The following DNER variants were observed in gnomAD, a reference collection of about 807,000 sequenced individuals.
DNER encodes delta and Notch-like epidermal growth factor-related receptor.
In DNER, 33 loss-of-function variants were observed where a neutral mutation model predicts 78.2. The ratio of observed to expected loss-of-function variants is 0.42; its 90% CI spans 0.32 to 0.56. The LOEUF (loss-of-function observed/expected upper bound fraction) is 0.56, where lower values mean the gene tolerates loss of function less well. DNER is among the 20% of genes least tolerant of loss of function. The pLI is 0.11. For synonymous variants in DNER, 417 were observed against 384.8 expected (o/e 1.08, Z -0.98); for missense variants, 918 against 975.3 (o/e 0.94, Z 0.78).
At position 229,638,994 on chromosome 2, in the gene DNER, C is replaced by T. The variant is rs200755239; in HGVS notation, c.277-47106G>A. ...TCTATGACCACCTGGACTCACCTGA[C>T]GCAGAGCCCCTGGGGAATTCCTATA... is the stretch of plus-strand genomic sequence containing the variant. On this transcript the variant is annotated intron_variant, in intron 1 of 12. Transcript: ENST00000341772. 2.0e-4 allele frequency among the ~76,000 whole-genome samples: 30 copies of T among 152,276 alleles called. No homozygotes were observed. The East Asian group carries it at 3.9e-3, about 20-fold the overall frequency.
chr2:229,690,220 T>C (rs938920860), intron 1 of DNER, among the ~76,000 whole-genome samples: 2 of 152,160 alleles, frequency 1.3e-5, no homozygotes, highest in African/African-American at 4.8e-5. Flanking sequence ...GATTTGCATT[T>C]TAAAGCTCAC....
chr2:229,387,556 A>G (rs941693415), intron 11 of DNER, among the ~76,000 whole-genome samples: 1 of 148,254 alleles, frequency 6.7e-6, no homozygotes, highest in Non-Finnish European at 1.5e-5. Flanking sequence ...AGAAAGAAAG[A>G]AAGAAAGAAA....
chr2:229,440,935 C>A (rs569043033), intron 8 of DNER, among the ~76,000 whole-genome samples: 2 of 152,206 alleles, frequency 1.3e-5, no homozygotes, highest in Non-Finnish European at 2.9e-5. Flanking sequence ...ATCTTTTCAT[C>A]TCTTTTTGAC....
rs572267738 is a variant in DNER at position 229,702,870 on chromosome 2, C to T, written c.276+11278G>A. Reference sequence around the variant, plus strand: ...AGGTAGAGCTTGCAGTGAGCTGAGACCGTGCCACTGCACTCCAGCCTGGGG... The same window carrying T: ...AGGTAGAGCTTGCAGTGAGCTGAGATCGTGCCACTGCACTCCAGCCTGGGG... On this transcript the variant is annotated intron_variant, in intron 1 of 12. Coordinates refer to ENST00000341772, the MANE Select transcript of DNER (RefSeq NM_139072.4). Among the ~76,000 whole-genome samples the T allele has an allele frequency of 6.0e-5, 9 of 149,258 alleles. No individual in the cohort carries two copies. In the South Asian group the frequency reaches 1.1e-3, roughly 18 times the overall value.
intron 6 of DNER, among the ~76,000 whole-genome samples, chr2:229,510,070 T>C (rs1695833373): frequency 6.6e-6 from 1 of 152,014 alleles, no homozygotes; most frequent in South Asian, 2.1e-4. Context: ...GGAAGTATTG[T>C]CCAAGCACAA....
intron 1 of DNER, among the ~76,000 whole-genome samples, chr2:229,612,705 C>T (rs1262766086): frequency 6.6e-6 from 1 of 152,218 alleles, no homozygotes; most frequent in Non-Finnish European, 1.5e-5. Context: ...TTCGCTTTGA[C>T]CAATAGTAGG....
intron 3 of DNER, among the ~76,000 whole-genome samples, chr2:229,587,672 G>T (rs554042251): frequency 1.3e-5 from 2 of 152,306 alleles, no homozygotes; most frequent in East Asian, 3.9e-4. Flanking sequence ...TGTGGGGAGG[G>T]TGGTAGTCAA....
At chr2:229,532,214 C>T (rs905580490) in intron 5 of DNER, among the ~76,000 whole-genome samples, 4 of 152,104 alleles carry the variant, frequency 2.6e-5, no homozygotes, top group Non-Finnish European at 5.9e-5. Flanking sequence ...TGCCTGACAT[C>T]ACTCGCTCAG....
Position 229,358,626 on chromosome 2 carries a change from T to A in DNER, c.2128A>T (p.Met710Leu), listed in dbSNP as rs752186010. ...TAGGCGATGGGGCTCACATCATACATTGCAGGCCGGGATTTCTTTCCAAAC... is the reference window on the plus strand; with the variant it reads ...TAGGCGATGGGGCTCACATCATACAATGCAGGCCGGGATTTCTTTCCAAAC... ...ARFGKKSRPA[M>L]YDVSPIAYED... The change falls in exon 13 of 13, where the codon ATG becomes TTG. Residue 710 changes from methionine to leucine, a missense_variant. Physicochemically the swap from Met to Leu is conservative, Grantham distance 15. Coordinates refer to ENST00000341772, the MANE Select transcript of DNER (RefSeq NM_139072.4). The A allele has an allele frequency of 3.1e-6, 5 of 1,613,862 alleles. No individual in the cohort carries two copies. Among genetic ancestry groups the A allele is most frequent in the African/African-American group, 1.3e-5 (1 of 74,938 alleles).
intron 4 of DNER, chr2:229,580,209 A>G (rs1177371844): frequency 2.6e-5 from 4 of 152,186 alleles, no homozygotes; most frequent in African/African-American, 9.7e-5. Context: ...AATTAGAAAG[A>G]CCTGCAAATT....
At chr2:229,506,256 G>A (rs1363419582) in intron 6 of DNER, among the ~76,000 whole-genome samples, 2 of 152,136 alleles carry the variant, frequency 1.3e-5, no homozygotes, top group Non-Finnish European at 2.9e-5. Flanking sequence ...TTTACATGCT[G>A]GCAGGAAAGA....
chr2:229,566,740 A>G (rs1697116955), intron 4 of DNER, among the ~76,000 whole-genome samples: 1 of 152,182 alleles, frequency 6.6e-6, no homozygotes, highest in Non-Finnish European at 1.5e-5. Flanking sequence ...AGTTTATTTA[A>G]TCAATTGTAA....
intron 5 of DNER, among the ~76,000 whole-genome samples, chr2:229,526,811 C>A (rs1267154225): frequency 6.6e-6 from 1 of 152,162 alleles, no homozygotes; most frequent in Non-Finnish European, 1.5e-5. Flanking sequence ...GTGTCCCCAT[C>A]TGATGATGGG....
intron 5 of DNER, among the ~76,000 whole-genome samples, chr2:229,544,544 T>G (rs1391517018): frequency 6.6e-6 from 1 of 151,766 alleles, no homozygotes; most frequent in South Asian, 2.1e-4. Context: ...TATTTATTTA[T>G]TTTTTGAGAT....
chr2:229,539,000 C>G (rs1016132252), intron 5 of DNER, among the ~76,000 whole-genome samples: 3 of 152,206 alleles, frequency 2.0e-5, no homozygotes, highest in Non-Finnish European at 2.9e-5. Flanking sequence ...TGGCAGAGCT[C>G]TGGGCACCTA....
intron 7 of DNER, among the ~76,000 whole-genome samples, chr2:229,473,975 G>A (rs1304560663): frequency 2.0e-5 from 3 of 151,952 alleles, no homozygotes; most frequent in African/African-American, 7.3e-5. Flanking sequence ...GCACAATCTC[G>A]GTTCACTGCA....
intron 1 of DNER, among the ~76,000 whole-genome samples, chr2:229,663,413 G>A (rs1051256288): frequency 1.3e-5 from 2 of 152,124 alleles, no homozygotes; most frequent in African/African-American, 4.8e-5. Context: ...TCCTTAGCAC[G>A]TGAACAAACC....
At chr2:229,379,951 A>C (rs1692697757) in intron 11 of DNER, among the ~76,000 whole-genome samples, 2 of 152,218 alleles carry the variant, frequency 1.3e-5, no homozygotes, top group African/African-American at 4.8e-5. Flanking sequence ...AAGGAAAGTT[A>C]ATTCGAAGCC....
chr2:229,702,787 G>A (rs1574575001), intron 1 of DNER, among the ~76,000 whole-genome samples: 1 of 148,416 alleles, frequency 6.7e-6, no homozygotes, highest in Admixed American at 6.7e-5. Context: ...CGTGGTGGCG[G>A]GCGCCTGTAG....
Sources: allele counts gnomAD v4.1 joint callset (sites outside exome capture counted in the v4.1 genomes callset), GRCh38; gene constraint gnomAD v4.1.1; transcripts MANE v1.5; gene names NCBI Gene and HGNC (gene_info 2026-07-23, HGNC 2026-07-21).